The following MYO1C variants were observed in gnomAD, a reference collection of about 807,000 sequenced individuals.
MYO1C encodes unconventional myosin-Ic.
In MYO1C, 104 loss-of-function variants were observed where a neutral mutation model predicts 150.8. The ratio of observed to expected loss-of-function variants is 0.69; its 90% CI spans 0.59 to 0.81. MYO1C has a LOEUF of 0.81. Among genes scored for constraint, MYO1C ranks in the 30% least tolerant of loss-of-function variants. The probability of loss-of-function intolerance (pLI) is 0.00; values close to 1 mark genes in which losing one functional copy is unlikely to be tolerated. For missense variants in MYO1C, 1,504 were observed against 1,435.0 expected (o/e 1.05, Z -0.78); for synonymous variants, 663 against 579.9 (o/e 1.14, Z -2.06).
At chr17:1,483,433 C>T (rs1002218707) in intron 3 of MYO1C, among the ~76,000 whole-genome samples, 177 bp downstream of exon 3, 1 of 151,996 alleles carries the variant, frequency 6.6e-6, no homozygotes, top group African/African-American at 2.4e-5. Flanking sequence ...CTGAGTCCCA[C>T]CCACATGGAG....
rs2074292356 is a variant in MYO1C, at chr17:1,471,073, A to T, written c.2210T>A (p.Leu737Gln). 1.2e-6 allele frequency: 2 copies of T among 1,613,898 alleles called. No homozygotes were observed. The highest frequency in any genetic ancestry group is 1.7e-6 in the Non-Finnish European group (2 of 1,179,920). Residue 737 changes from leucine (L) to glutamine (Q), a missense_variant and splice_region_variant, in exon 21 of 32, where the codon CTG becomes CAG. Physicochemically the swap from Leu to Gln is moderately radical, Grantham distance 113. Transcript: ENST00000648651. ...EDALEVRRQS[L>Q]ATKIQAAWRG... ...GGAAGGGTAGGCCTCTCTCTCACCC[A>T]GGCTCTGCCGCCGGACCTCCAGGGC...
At position 1,468,443 on chromosome 17, in the gene MYO1C, G is replaced by A. The variant is rs2074227593; in HGVS notation, c.2664C>T (p.Tyr888=). The change falls in exon 26 of 32, where the codon TAC becomes TAT. Residue 888 remains tyrosine, a synonymous_variant. Transcript: ENST00000648651. The part of the protein sequence containing the change: ...SEIFKGKKDN[Y]PQSVPRLFIS... ...TGAAGAGCCTGGGTACACTCTGAGG[G>A]TAATTATCCTTCTTGCCCTTGAAGA... 1.2e-6 allele frequency: 2 copies of A among 1,613,942 alleles called. No individual in the cohort carries two copies. The highest frequency in any genetic ancestry group is 2.7e-5 in the African/African-American group (2 of 74,884).
At position 1,492,405 on chromosome 17, in the gene MYO1C, CA is replaced by C; in HGVS notation, c.75+7del. 4 of 1,600,040 alleles carry C rather than the reference CA, an allele frequency of 2.5e-6. No individual in the cohort carries two copies. Among genetic ancestry groups the C allele is most frequent in the Non-Finnish European group, 3.4e-6 (4 of 1,173,704 alleles). ...ACCCTCCTCCCAGCCCAGAGCATCC[CA>C]GCTTACAAGCTTGCAGGGCCTGTGG... On this transcript the variant is annotated splice_region_variant and intron_variant, in intron 1 of 31. Coordinates refer to ENST00000648651, the MANE Select transcript of MYO1C (RefSeq NM_001080779.2).
chr17:1,467,344 G>A lies in MYO1C; in HGVS notation c.3066-3C>T. The A allele has an allele frequency of 6.2e-7, 1 of 1,611,176 alleles. No individual in the cohort carries two copies. The highest frequency in any genetic ancestry group is 1.7e-5 in the Admixed American group (1 of 59,720). ...CGGGGCCCCCTGCAAACGTGATGCTGGGGGAACGGGGTGGGTGAGGGTTTT... is the reference window on the plus strand; with the variant it reads ...CGGGGCCCCCTGCAAACGTGATGCTAGGGGAACGGGGTGGGTGAGGGTTTT... On this transcript the variant is annotated splice_region_variant and splice_polypyrimidine_tract_variant and intron_variant, in intron 30 of 31. Transcript: ENST00000648651.
At chr17:1,472,911 G>C (rs2074333268) in intron 17 of MYO1C, among the ~76,000 whole-genome samples, 1 of 152,130 alleles carries the variant, frequency 6.6e-6, no homozygotes. Flanking sequence ...AAAGAACGAG[G>C]GGGCCGGAGC....
At chr17:1,473,235 C>G (rs1242814136) in intron 17 of MYO1C, among the ~76,000 whole-genome samples, 2 of 152,028 alleles carry the variant, frequency 1.3e-5, no homozygotes, top group East Asian at 3.9e-4. Context: ...GGGATGACAC[C>G]CAGGTTTCTG....
intron 14 of MYO1C, 92 bp downstream of exon 14, chr17:1,477,413 C>G: frequency 8.6e-7 from 1 of 1,167,152 alleles, no homozygotes. Context: ...CTCCTTGTGG[C>G]TGGTGTTTTG....
chr17:1,492,305 A>G (rs1407054443), intron 1 of MYO1C, 108 bp downstream of exon 1: 1 of 1,133,820 alleles, frequency 8.8e-7, no homozygotes, highest in African/African-American at 1.5e-5. Context: ...CAAGGATCGG[A>G]ACCCCTCCCC....
At chr17:1,473,467 G>T (rs1237732645) in intron 17 of MYO1C, among the ~76,000 whole-genome samples, 1 of 151,980 alleles carries the variant, frequency 6.6e-6, no homozygotes, top group Non-Finnish European at 1.5e-5. Flanking sequence ...GGGAGAGGGT[G>T]GGGTGGACGG....
Position 1,479,531 on chromosome 17 carries a change from G to T in MYO1C, c.1021-29C>A. The T allele has an allele frequency of 2.0e-6, 3 of 1,506,712 alleles. No homozygotes were observed. Among genetic ancestry groups the T allele is most frequent in the Non-Finnish European group, 2.7e-6 (3 of 1,103,528 alleles). The allele number at this position is 1,506,712 out of a possible 1,614,324, so 93.3% of individuals were successfully genotyped here. ...CCAAGGGCAGGCGAGGACACGGTGA[G>T]GGTGCACCCCCAGCCCCCGCCCCCG... On this transcript the variant is annotated intron_variant, in intron 8 of 31. Transcript: ENST00000648651. The surrounding 1 kb of genome is among the most constrained non-coding windows in gnomAD (Gnocchi z 4.2).
In MYO1C at chr17:1,477,502, C is replaced by A; in HGVS notation, c.1574+3G>T. ...CCCCCAGCAGCCCCGCAGCCCCACT[C>A]ACGTCAGGAAGTGTGGATGGTGCTT... is the stretch of plus-strand genomic sequence containing the variant. On this transcript the variant is annotated splice_donor_region_variant and intron_variant, in intron 14 of 31. Coordinates refer to ENST00000648651, the MANE Select transcript of MYO1C (RefSeq NM_001080779.2). 1 of 1,613,554 alleles carries A rather than the reference C, an allele frequency of 6.2e-7. No homozygotes were observed. Among genetic ancestry groups the A allele is most frequent in the African/African-American group, 1.3e-5 (1 of 75,038 alleles).
intron 1 of MYO1C, among the ~76,000 whole-genome samples, chr17:1,490,722 G>T (rs2074719610): frequency 6.6e-6 from 1 of 151,944 alleles, no homozygotes; most frequent in Non-Finnish European, 1.5e-5. Context: ...TGCTTACCAG[G>T]ACCCTGCCTA....
chr17:1,467,225 A>G lies in MYO1C; in HGVS notation c.3165+17T>C, dbSNP rs1180523951. ...TATCACAGCCAGGCCATAAGCGGGA[A>G]AGCAGGCCCCACTCACCACAGCCAG... On this transcript the variant is annotated intron_variant, in intron 31 of 31. Coordinates refer to ENST00000648651, the MANE Select transcript of MYO1C (RefSeq NM_001080779.2). The G allele has an allele frequency of 1.2e-6, 2 of 1,603,354 alleles. No individual in the cohort carries two copies. The highest frequency in any genetic ancestry group is 1.1e-5 in the South Asian group (1 of 89,384).
rs937393252 is a variant in MYO1C, at chr17:1,480,563, A to G, written c.870T>C (p.Ala290=). 3 of 1,614,048 alleles carry G rather than the reference A, an allele frequency of 1.9e-6. No individual in the cohort carries two copies. Residue 290 remains alanine, a synonymous_variant, in exon 7 of 32, where the codon GCT becomes GCC. Transcript: ENST00000648651. ...CCTCGGTGAAATCAATGACTGTCAG[A>G]GCCTTCCTGACGACCTTCCAGTCAC... ...DKSDWKVVRK[A]LTVIDFTEDE...
At chr17:1,488,700 C>G (rs1318037248) in intron 1 of MYO1C, among the ~76,000 whole-genome samples, 1 of 152,218 alleles carries the variant, frequency 6.6e-6, no homozygotes, top group African/African-American at 2.4e-5. Flanking sequence ...ACCGTTCAGG[C>G]CCCTGTCGGT....
chr17:1,465,718 C>T lies in MYO1C; in HGVS notation c.*8G>A, dbSNP rs373989989. ...TTGGGCGTTGGGAGGGTCCAGTGGG[C>T]GCCTTTATCACCGAGAATTCAGCCG... On this transcript the variant is annotated 3_prime_UTR_variant, in exon 32 of 32. Transcript: ENST00000648651. 1.9e-4 allele frequency: 257 copies of T among 1,324,618 alleles called. No homozygotes were observed. Among genetic ancestry groups the T allele is most frequent in the Non-Finnish European group, 2.4e-4 (243 of 1,027,580 alleles). The allele number at this position is 1,324,618 out of a possible 1,614,324, so 82.1% of individuals were successfully genotyped here.
At chr17:1,487,738 C>T (rs1486346299) in intron 1 of MYO1C, among the ~76,000 whole-genome samples, 2 of 152,124 alleles carry the variant, frequency 1.3e-5, no homozygotes, top group African/African-American at 4.8e-5. Context: ...ACCAGCATGG[C>T]GAAACCCCCT....
chr17:1,484,321 C>A lies in MYO1C; in HGVS notation c.76-18G>T. On this transcript the variant is annotated intron_variant, in intron 1 of 31. Transcript: ENST00000648651. The stretch of plus-strand genomic sequence containing the variant: ...CCCAGGGCCTGCAGAGAATGGGCCA[C>A]AGAAGAGGGTCAGAGTCATCGGGGG... The A allele has an allele frequency of 6.2e-7, 1 of 1,607,292 alleles. No individual in the cohort carries two copies.
At chr17:1,488,237 C>T (rs1284818906) in intron 1 of MYO1C, among the ~76,000 whole-genome samples, 1 of 152,158 alleles carries the variant, frequency 6.6e-6, no homozygotes, top group Non-Finnish European at 1.5e-5. Context: ...GTTCCCGGGC[C>T]GCGCCGCCGC....
Sources: allele counts gnomAD v4.1 joint callset (sites outside exome capture counted in the v4.1 genomes callset), GRCh38; gene constraint gnomAD v4.1.1; non-coding constraint Gnocchi (gnomAD v3.1); transcripts MANE v1.5; gene names NCBI Gene and HGNC (gene_info 2026-07-23, HGNC 2026-07-21).